SLC9A9: variants seen among roughly 807,000 people sequenced by gnomAD.
The protein encoded by SLC9A9 is solute carrier family 9 member A9, also known as sodium/hydrogen exchanger 9.
Under a neutral mutation model 77.8 loss-of-function variants are expected in SLC9A9, and 62 were observed. The ratio of observed to expected loss-of-function variants is 0.80; its 90% CI spans 0.65 to 0.98. The LOEUF is 0.98. SLC9A9 is among the 50% of genes least tolerant of loss of function. The pLI, the probability that SLC9A9 is intolerant of heterozygous loss-of-function variation, is 0.00. For synonymous variants in SLC9A9, 320 were observed against 283.5 expected (o/e 1.13, Z -1.29); for missense variants, 775 against 774.9 (o/e 1.00, Z 0.00).
chr3:143,689,527 T>G (rs1263035589), intron 5 of SLC9A9, among the ~76,000 whole-genome samples: 2 of 151,972 alleles, frequency 1.3e-5, no homozygotes, highest in Non-Finnish European at 2.9e-5. Flanking sequence ...GCCTCCCAAG[T>G]AGCTATAGCT....
intron 9 of SLC9A9, among the ~76,000 whole-genome samples, chr3:143,548,414 G>A (rs1466633749): frequency 3.9e-5 from 6 of 152,010 alleles, no homozygotes; most frequent in Non-Finnish European, 8.8e-5. Flanking sequence ...TGAGACCTCC[G>A]GGCTACACTG....
chr3:143,804,115 C>A (rs191418482), intron 2 of SLC9A9, among the ~76,000 whole-genome samples: 226 of 152,256 alleles, frequency 1.5e-3, no homozygotes, highest in African/African-American at 5.3e-3. Flanking sequence ...TTCACCTTCT[C>A]GATGTTCCTT....
intron 5 of SLC9A9, among the ~76,000 whole-genome samples, chr3:143,658,587 T>G (rs59045797): frequency 0.019 from 2,913 of 152,240 alleles, 80 homozygotes; most frequent in African/African-American, 0.065. Context: ...TTTAAGCCCT[T>G]TTTTTTGAAA....
intron 4 of SLC9A9, among the ~76,000 whole-genome samples, chr3:143,766,478 G>A (rs1335362741): frequency 6.6e-6 from 1 of 152,124 alleles, no homozygotes; most frequent in Non-Finnish European, 1.5e-5. Context: ...AAATATAGTG[G>A]GGGTGATTGC....
intron 5 of SLC9A9, chr3:143,655,712 A>ACAC (rs201984617): frequency 2.2e-6 from 2 of 896,386 alleles, no homozygotes; most frequent in Non-Finnish European, 2.7e-6. Flanking sequence ...ACACACACAC[A>ACAC]AACACACCCC....
chr3:143,799,690 C>T (rs555181321), intron 2 of SLC9A9, among the ~76,000 whole-genome samples: 10 of 152,340 alleles, frequency 6.6e-5, no homozygotes, highest in South Asian at 2.1e-4. Flanking sequence ...CTCCCAGAGC[C>T]GCTGGAACTC....
chr3:143,465,614 C>T (rs1287176823), intron 12 of SLC9A9, among the ~76,000 whole-genome samples: 1 of 152,174 alleles, frequency 6.6e-6, no homozygotes, highest in Non-Finnish European at 1.5e-5. Context: ...GACCAGCATC[C>T]TCTAACTTGG....
chr3:143,503,968 A>C (rs1253197918), intron 9 of SLC9A9: 6 of 395,892 alleles, frequency 1.5e-5, no homozygotes, highest in African/African-American at 1.3e-4. Flanking sequence ...CATGGTAGTT[A>C]ATACACTGGT....
intron 12 of SLC9A9, among the ~76,000 whole-genome samples, chr3:143,409,701 T>C (rs1167600251): frequency 1.3e-5 from 2 of 152,360 alleles, no homozygotes; most frequent in Middle Eastern, 3.4e-3. Flanking sequence ...AATATTATTA[T>C]TGAGCTGCTG....
intron 2 of SLC9A9, among the ~76,000 whole-genome samples, chr3:143,806,353 G>A (rs1296516905): frequency 6.6e-6 from 1 of 151,972 alleles, no homozygotes; most frequent in Non-Finnish European, 1.5e-5. Context: ...CTCTTTTGTG[G>A]CATCTGTGTT....
rs1463485317 is a variant in SLC9A9, at chr3:143,448,887, ATATAT to A, written c.1469+18145_1469+18149del. Among the ~76,000 whole-genome samples the A allele has an allele frequency of 2.8e-4, 7 of 25,006 alleles. 3 individuals are homozygous for A. The highest frequency in any genetic ancestry group is 1.5e-3 in the African/African-American group (3 of 1,968). 16.4% of individuals were successfully genotyped at this position (25,006 alleles called of 152,430 possible). Reference sequence around the variant, plus strand: ...TATATTATATAATATGATATATATTATATATTATAATATATAATATGATATATATT... The same window carrying A: ...TATATTATATAATATGATATATATTATATAATATATAATATGATATATATT... On this transcript the variant is annotated intron_variant, in intron 12 of 15. Coordinates refer to ENST00000316549, the MANE Select transcript of SLC9A9 (RefSeq NM_173653.4).
At chr3:143,539,957 C>T (rs1414492109) in intron 9 of SLC9A9, among the ~76,000 whole-genome samples, 1 of 151,434 alleles carries the variant, frequency 6.6e-6, no homozygotes, top group Non-Finnish European at 1.5e-5. Flanking sequence ...AGAAAGAATA[C>T]AAAACCATGA....
At chr3:143,587,142 G>A (rs1032443963) in intron 6 of SLC9A9, among the ~76,000 whole-genome samples, 2 of 152,190 alleles carry the variant, frequency 1.3e-5, no homozygotes, top group African/African-American at 4.8e-5. Flanking sequence ...GGCTTCCTCG[G>A]GAATAACGCA....
chr3:143,404,725 C>T (rs1051381780), intron 12 of SLC9A9, among the ~76,000 whole-genome samples: 10 of 152,114 alleles, frequency 6.6e-5, no homozygotes, highest in Non-Finnish European at 1.5e-4. Flanking sequence ...TCTCATTAGC[C>T]TCCTCCCCCA....
chr3:143,435,853 C>A (rs2108540292), intron 12 of SLC9A9, among the ~76,000 whole-genome samples: 2 of 152,250 alleles, frequency 1.3e-5, no homozygotes, highest in Middle Eastern at 6.8e-3. Context: ...CTCTGCTCTG[C>A]CAACTCAGTA....
At chr3:143,651,042 T>G (rs2108747598) in intron 6 of SLC9A9, among the ~76,000 whole-genome samples, 1 of 152,356 alleles carries the variant, frequency 6.6e-6, no homozygotes, top group South Asian at 2.1e-4. Flanking sequence ...TTTTCCAACT[T>G]GGCAGCTCAG....
At chr3:143,659,080 A>G (rs61418581) in intron 5 of SLC9A9, among the ~76,000 whole-genome samples, 275 of 152,370 alleles carry the variant, frequency 1.8e-3, no homozygotes, top group African/African-American at 6.0e-3. Context: ...CATGCCCAGT[A>G]TCTGAGTGAC....
At chr3:143,322,109 A>C (rs887964908) in intron 14 of SLC9A9, among the ~76,000 whole-genome samples, 27 of 152,068 alleles carry the variant, frequency 1.8e-4, no homozygotes, top group Middle Eastern at 3.2e-3. Context: ...TTCTTTTTTT[A>C]GATAATTCGC....
At chr3:143,817,399 C>T (rs896464038) in intron 2 of SLC9A9, among the ~76,000 whole-genome samples, 5 of 151,966 alleles carry the variant, frequency 3.3e-5, no homozygotes, top group Admixed American at 6.6e-5. Flanking sequence ...CCACCCGCCT[C>T]GGCCTCCCAA....
Sources: allele counts gnomAD v4.1 joint callset (sites outside exome capture counted in the v4.1 genomes callset), GRCh38; gene constraint gnomAD v4.1.1; transcripts MANE v1.5; gene names NCBI Gene and HGNC (gene_info 2026-07-23, HGNC 2026-07-21).